Variants in GALNT13 observed in about 807,000 individuals in gnomAD.
GALNT13 encodes the protein polypeptide N-acetylgalactosaminyltransferase 13.
In GALNT13, 28 loss-of-function variants were observed where a neutral mutation model predicts 64.2. That is an observed-to-expected ratio of 0.44 (90% CI 0.32 to 0.60). GALNT13 has a LOEUF of 0.60. GALNT13 is among the 20% of genes least tolerant of loss of function. GALNT13 has a pLI of 0.05. For missense variants in GALNT13, 577 were observed against 669.8 expected, an observed-to-expected ratio of 0.86 and a Z score of 1.53; for synonymous variants, 214 against 224.6, an observed-to-expected ratio of 0.95 and a Z score of 0.42.
In GALNT13 at chr2:153,907,320, T is replaced by TAC. The variant is rs766571133; in HGVS notation, c.-105+6323_-105+6324dup. On this transcript the variant is annotated intron_variant, in intron 2 of 12. Transcript: ENST00000392825. ...CAGTTTAATATTAAGATTATATATATACACACACACATATAATTATATACA... is the reference window on the plus strand; with the variant it reads ...CAGTTTAATATTAAGATTATATATATACACACACACACATATAATTATATACA... Among the ~76,000 whole-genome samples, 19 of 151,764 alleles carry TAC rather than the reference T, an allele frequency of 1.3e-4. No individual in the cohort carries two copies. The East Asian group carries it at 2.3e-3, about 19-fold the overall frequency.
At chr2:153,777,301 C>T in the GALNT13 span, among the ~76,000 whole-genome samples, 327 of 152,228 alleles carry the variant, frequency 2.1e-3, no homozygotes, top group African/African-American at 6.5e-3. Context: ...CAGACACTTT[C>T]GAGTTTTTCT....
chr2:154,019,602 C>CCA (rs67316542), intron 3 of GALNT13, among the ~76,000 whole-genome samples: 2,579 of 126,466 alleles, frequency 0.02, 55 homozygotes, highest in African/African-American at 0.048. Flanking sequence ...GAGTAAGACT[C>CCA]CACACACACA....
intron 11 of GALNT13, among the ~76,000 whole-genome samples, chr2:154,410,569 C>T (rs1359696797): frequency 1.3e-5 from 2 of 151,802 alleles, no homozygotes; most frequent in African/African-American, 2.4e-5. Flanking sequence ...AGGCTCTACA[C>T]GTCTCAGTGT....
At chr2:153,860,341 G>T in the GALNT13 span, among the ~76,000 whole-genome samples, 15 of 152,288 alleles carry the variant, frequency 9.8e-5, no homozygotes. Flanking sequence ...AGCCACTTTA[G>T]GACATCCTTG....
chr2:154,002,423 C>G (rs972272848), intron 3 of GALNT13, among the ~76,000 whole-genome samples: 1 of 151,818 alleles, frequency 6.6e-6, no homozygotes, highest in Non-Finnish European at 1.5e-5. Context: ...ATTCTCTTCT[C>G]TTTTGGTCAA....
chr2:153,795,251 G>C, the GALNT13 span, among the ~76,000 whole-genome samples: 2 of 152,106 alleles, frequency 1.3e-5, no homozygotes, highest in Non-Finnish European at 2.9e-5. Flanking sequence ...AAAGCATTTA[G>C]TTTGATTGGA....
chr2:153,936,108 G>T (rs1482527722), intron 2 of GALNT13, among the ~76,000 whole-genome samples: 1 of 152,202 alleles, frequency 6.6e-6, no homozygotes, highest in Non-Finnish European at 1.5e-5. Flanking sequence ...TGTGTCTGCA[G>T]TTTCTGCATT....
At chr2:153,873,596 C>T (rs970731507) in intron 1 of GALNT13, among the ~76,000 whole-genome samples, 1 of 152,154 alleles carries the variant, frequency 6.6e-6, no homozygotes, top group Non-Finnish European at 1.5e-5. Context: ...GCTTTGGGGA[C>T]TGAGGTATGC....
chr2:153,788,215 G>A, the GALNT13 span, among the ~76,000 whole-genome samples: 1 of 152,102 alleles, frequency 6.6e-6, no homozygotes, highest in Non-Finnish European at 1.5e-5. Flanking sequence ...CACCTGTAAA[G>A]GGAAGCTCAT....
At chr2:153,313,343 T>C in the GALNT13 span, among the ~76,000 whole-genome samples, 1 of 152,178 alleles carries the variant, frequency 6.6e-6, no homozygotes, top group Non-Finnish European at 1.5e-5. Context: ...GTAGTACATA[T>C]ACACCATGAA....
At chr2:153,844,492 C>T in the GALNT13 span, among the ~76,000 whole-genome samples, 2 of 152,190 alleles carry the variant, frequency 1.3e-5, no homozygotes, top group African/African-American at 2.4e-5. Context: ...GGCCTCTGGG[C>T]CTGTAATGGA....
the GALNT13 span, among the ~76,000 whole-genome samples, chr2:153,552,120 C>G: frequency 6.6e-6 from 1 of 152,094 alleles, no homozygotes; most frequent in African/African-American, 2.4e-5. Context: ...AAATTGACCC[C>G]TGGATTTAGC....
the GALNT13 span, among the ~76,000 whole-genome samples, chr2:153,756,359 G>A: frequency 6.6e-6 from 1 of 152,068 alleles, no homozygotes; most frequent in Admixed American, 6.6e-5. Context: ...GGGAATATAA[G>A]TGCTTATAAA....
the GALNT13 span, among the ~76,000 whole-genome samples, chr2:153,402,886 G>A: frequency 0.23 from 35,268 of 152,016 alleles, 4,737 homozygotes; most frequent in African/African-American, 0.37. Context: ...TCCTCCCGTC[G>A]CTCACAGTAA....
At chr2:153,960,074 G>A (rs115382284) in intron 3 of GALNT13, among the ~76,000 whole-genome samples, 2,527 of 152,332 alleles carry the variant, frequency 0.017, 37 homozygotes, top group South Asian at 0.041. Flanking sequence ...CAGCTCCACT[G>A]CCTGCCAGGG....
chr2:154,319,929 T>C (rs986835808), intron 9 of GALNT13, among the ~76,000 whole-genome samples: 23 of 152,228 alleles, frequency 1.5e-4, no homozygotes, highest in African/African-American at 4.6e-4. Flanking sequence ...TTCTTAGTTA[T>C]AGCAGACATA....
At chr2:154,217,940 G>A (rs905828655) in intron 4 of GALNT13, among the ~76,000 whole-genome samples, 2 of 152,130 alleles carry the variant, frequency 1.3e-5, no homozygotes, top group African/African-American at 4.8e-5. Flanking sequence ...TAAGCAGTAA[G>A]GGTCTAGGAG....
At chr2:153,719,635 A>G in the GALNT13 span, among the ~76,000 whole-genome samples, 1 of 152,186 alleles carries the variant, frequency 6.6e-6, no homozygotes, top group Non-Finnish European at 1.5e-5. Context: ...AGGGCAAGGC[A>G]TTGCCTCACC....
the GALNT13 span, among the ~76,000 whole-genome samples, chr2:153,737,469 C>T: frequency 6.6e-6 from 1 of 151,714 alleles, no homozygotes; most frequent in African/African-American, 2.4e-5. Context: ...AAATAAAGCA[C>T]ATTTTTTATT....
Sources: allele counts gnomAD v4.1 joint callset (sites outside exome capture counted in the v4.1 genomes callset), GRCh38; gene constraint gnomAD v4.1.1; transcripts MANE v1.5; gene names NCBI Gene and HGNC (gene_info 2026-07-23, HGNC 2026-07-21).